CLSTN2: variants seen among roughly 807,000 people sequenced by gnomAD.
CLSTN2 encodes calsyntenin-2.
In CLSTN2, 48 loss-of-function variants were observed where a neutral mutation model predicts 101.2. The ratio of observed to expected loss-of-function variants is 0.47; its 90% CI spans 0.38 to 0.60. The LOEUF (loss-of-function observed/expected upper bound fraction) is 0.60. CLSTN2 is among the 20% of genes least tolerant of loss of function. The pLI is 0.00. For synonymous variants in CLSTN2, 481 were observed against 463.6 expected (o/e 1.04, Z -0.48); for missense variants, 1,160 against 1,238.2 (o/e 0.94, Z 0.95).
Position 140,570,386 on chromosome 3 carries a change from GTATTA to G in CLSTN2, c.*4136_*4140del, listed in dbSNP as rs1559908461. The G allele has an allele frequency of 1.3e-5, 2 of 152,296 alleles. No homozygotes were observed. The highest frequency in any genetic ancestry group is 3.9e-4 in the East Asian group (2 of 5,194). 9.4% of individuals were successfully genotyped at this position (152,296 alleles called of 1,614,324 possible). A position where few individuals can be genotyped will look rare whatever the true frequency, so the allele number is the denominator to read the frequency against. On this transcript the variant is annotated 3_prime_UTR_variant, in exon 17 of 17. Transcript: ENST00000458420. ...TTACATAGCATTTACACTGTATTAG[GTATTA>G]TAAGTAACCTAGAGATGATTTGAAG...
intron 2 of CLSTN2, among the ~76,000 whole-genome samples, chr3:140,338,791 C>G (rs991269943): frequency 1.3e-5 from 2 of 152,306 alleles, no homozygotes; most frequent in South Asian, 4.1e-4. Flanking sequence ...GGTCCTTCTT[C>G]CAGACCTGAA....
At chr3:139,986,228 T>A (rs1420728729) in intron 1 of CLSTN2, among the ~76,000 whole-genome samples, 4 of 152,208 alleles carry the variant, frequency 2.6e-5, no homozygotes, top group Admixed American at 2.6e-4. Flanking sequence ...GTGTATTGGA[T>A]ATTTTAAAGT....
At chr3:140,308,580 A>G (rs149456748) in intron 2 of CLSTN2, among the ~76,000 whole-genome samples, 318 of 152,348 alleles carry the variant, frequency 2.1e-3, no homozygotes, top group African/African-American at 7.3e-3. Context: ...ATTCTGAAGC[A>G]TTGTGTGAGG....
chr3:140,268,085 G>A (rs2086711035), intron 2 of CLSTN2, among the ~76,000 whole-genome samples: 1 of 152,176 alleles, frequency 6.6e-6, no homozygotes, highest in African/African-American at 2.4e-5. Flanking sequence ...TCTGAGCTTG[G>A]AGGCGAAAAG....
At chr3:140,129,519 C>A (rs1349257660) in intron 1 of CLSTN2, among the ~76,000 whole-genome samples, 1 of 152,018 alleles carries the variant, frequency 6.6e-6, no homozygotes, top group East Asian at 1.9e-4. Flanking sequence ...GGTGTAGAAT[C>A]AACAAAACAT....
At chr3:140,162,899 C>T (rs1317702024) in intron 1 of CLSTN2, among the ~76,000 whole-genome samples, 2 of 152,150 alleles carry the variant, frequency 1.3e-5, no homozygotes, top group Non-Finnish European at 2.9e-5. Flanking sequence ...CATTTGCTAC[C>T]TTCTAGAACA....
chr3:140,430,965 G>A (rs936582019), intron 5 of CLSTN2, among the ~76,000 whole-genome samples: 1 of 152,198 alleles, frequency 6.6e-6, no homozygotes, highest in Non-Finnish European at 1.5e-5. Context: ...AAAGGGGATT[G>A]AGAATTTCCA....
intron 1 of CLSTN2, among the ~76,000 whole-genome samples, chr3:140,125,166 A>G (rs2009409251): frequency 6.6e-6 from 1 of 152,142 alleles, no homozygotes; most frequent in Non-Finnish European, 1.5e-5. Context: ...AGGAAGTGAT[A>G]ACCATGGGTC....
At chr3:140,134,702 C>T (rs1042345331) in intron 1 of CLSTN2, among the ~76,000 whole-genome samples, 7 of 152,044 alleles carry the variant, frequency 4.6e-5, no homozygotes, top group African/African-American at 1.7e-4. Flanking sequence ...TAGAGGCCAC[C>T]AGGCAATACA....
rs150466982 is a variant in CLSTN2, at chr3:140,032,125, G to A, written c.109+96642G>A. Among the ~76,000 whole-genome samples the A allele has an allele frequency of 3.2e-4, 48 of 152,188 alleles. No individual in the cohort carries two copies. The East Asian group carries it at 8.7e-3, about 28-fold the overall frequency. On this transcript the variant is annotated intron_variant, in intron 1 of 16. Coordinates refer to ENST00000458420, the MANE Select transcript of CLSTN2 (RefSeq NM_022131.3). ...GCGCTGCCCATGAACATATTGCATA[G>A]ACTTGTCATGAAAGTTATAACTGCA...
chr3:140,216,140 G>A (rs764939798), intron 2 of CLSTN2, among the ~76,000 whole-genome samples: 2 of 152,204 alleles, frequency 1.3e-5, no homozygotes, highest in African/African-American at 2.4e-5. Context: ...GAGGGATCTA[G>A]GCTGTAAGCT....
At chr3:140,100,813 G>A (rs538643139) in intron 1 of CLSTN2, among the ~76,000 whole-genome samples, 7 of 152,332 alleles carry the variant, frequency 4.6e-5, no homozygotes, top group South Asian at 2.1e-4. Flanking sequence ...GCAAGATTCC[G>A]TAAATCCTGA....
At chr3:140,166,436 T>C (rs906609765) in intron 1 of CLSTN2, among the ~76,000 whole-genome samples, 1 of 152,224 alleles carries the variant, frequency 6.6e-6, no homozygotes, top group Non-Finnish European at 1.5e-5. Context: ...GCATGTTTTT[T>C]ACTCATAGTT....
chr3:140,558,613 G>T (rs771519769), intron 11 of CLSTN2, 27 bp from the exon 12 acceptor site: 227 of 1,590,968 alleles, frequency 1.4e-4, no homozygotes, highest in Non-Finnish European at 1.9e-4. Context: ...TTGCTCATCA[G>T]TGCCATGACC....
Position 140,448,506 on chromosome 3 carries a change from C to G in CLSTN2, c.788-13C>G. 1 of 1,595,928 alleles carries G rather than the reference C, an allele frequency of 6.3e-7. No homozygotes were observed. The highest frequency in any genetic ancestry group is 1.1e-5 in the South Asian group (1 of 89,694). On this transcript the variant is annotated splice_polypyrimidine_tract_variant and intron_variant, in intron 5 of 16. Coordinates refer to ENST00000458420, the MANE Select transcript of CLSTN2 (RefSeq NM_022131.3). ...CACCTGATTCACTTTTCATCCTTTC[C>G]TTGTTTGTTTAGACTGGACCAAGAG...
chr3:140,452,847 G>GC (rs1933284089), intron 6 of CLSTN2, among the ~76,000 whole-genome samples: 3 of 152,190 alleles, frequency 2.0e-5, no homozygotes, highest in Admixed American at 1.3e-4. Context: ...AACTCAAGTG[G>GC]CCCCCACCTT....
At chr3:140,278,425 T>G (rs1359967383) in intron 2 of CLSTN2, among the ~76,000 whole-genome samples, 1 of 152,164 alleles carries the variant, frequency 6.6e-6, no homozygotes, top group Non-Finnish European at 1.5e-5. Flanking sequence ...GTGAAGCACT[T>G]TCTCTCCTTT....
rs574984218 is a variant in CLSTN2, at chr3:140,346,657, T to A, written c.233-56972T>A. ...ATTGATCCTTATCCAAAATTGGGGCTGAAAACTTACTTTTCAGTCTCTTTT... is the reference window on the plus strand; with the variant it reads ...ATTGATCCTTATCCAAAATTGGGGCAGAAAACTTACTTTTCAGTCTCTTTT... On this transcript the variant is annotated intron_variant, in intron 2 of 16. Coordinates refer to ENST00000458420, the MANE Select transcript of CLSTN2 (RefSeq NM_022131.3). Among the ~76,000 whole-genome samples the A allele has an allele frequency of 2.9e-4, 44 of 152,378 alleles. 1 individual carries two copies. Among genetic ancestry groups the A allele is most frequent in the Admixed American group, 1.9e-3 (29 of 15,308 alleles).
chr3:140,240,221 CATAT>C (rs10576056), intron 2 of CLSTN2, among the ~76,000 whole-genome samples: 10,118 of 19,592 alleles, frequency 0.52, 3,100 homozygotes, highest in Non-Finnish European at 0.68. Context: ...CACACACACA[CATAT>C]ATATATATGC....
Sources: gnomAD v4.1 joint callset for allele counts (sites outside exome capture counted in the v4.1 genomes callset) on GRCh38, gnomAD v4.1.1 for gene constraint, MANE v1.5 for transcripts, NCBI Gene and HGNC (gene_info 2026-07-23, HGNC 2026-07-21) for gene names.